The following NOL8 variants were observed in gnomAD, a reference collection of about 807,000 sequenced individuals.
The protein encoded by NOL8 is nucleolar protein 8, also known as nucleolar protein Nop132.
A neutral mutation model predicts 116.1 loss-of-function variants in NOL8; 93 were observed. The ratio of observed to expected loss-of-function variants is 0.80; its 90% CI spans 0.68 to 0.95. The LOEUF is 0.95. Among genes scored for constraint, NOL8 ranks in the 40% least tolerant of loss-of-function variants. The probability of loss-of-function intolerance (pLI) is 0.00; values close to 1 mark genes in which losing one functional copy is unlikely to be tolerated. For synonymous variants in NOL8, 419 were observed against 469.0 expected (o/e 0.89, Z 1.38); for missense variants, 1,291 against 1,382.8 (o/e 0.93, Z 1.05).
chr9:92,303,130 A>AT lies in NOL8; in HGVS notation c.2904-1309dup, dbSNP rs111238420. Among the ~76,000 whole-genome samples, 765 of 149,034 alleles carry AT rather than the reference A, an allele frequency of 5.1e-3. 5 individuals carry two copies. The highest frequency in any genetic ancestry group is 0.016 in the African/African-American group (646 of 40,852). On this transcript the variant is annotated intron_variant, in intron 12 of 16. Transcript: ENST00000442668. ...GGAGAGAATGAAACTAAAGGGAGGA[A>AT]TTTTTTTTTTTAAAGGGAGCCAGGA...
intron 4 of NOL8, among the ~76,000 whole-genome samples, chr9:92,320,813 G>C (rs1300801504): frequency 6.6e-6 from 1 of 152,210 alleles, no homozygotes; most frequent in South Asian, 2.1e-4. Flanking sequence ...CACCACTTTA[G>C]CCAGGCTGGT....
intron 6 of NOL8, 103 bp downstream of exon 6, chr9:92,318,515 C>G: frequency 1.2e-6 from 1 of 837,898 alleles, no homozygotes; most frequent in Admixed American, 3.1e-5. Flanking sequence ...AACACGCAAA[C>G]AAACACCTAA....
At chr9:92,312,467 A>AT (rs1189426294) in intron 7 of NOL8, among the ~76,000 whole-genome samples, 1 of 150,642 alleles carries the variant, frequency 6.6e-6, no homozygotes, top group Non-Finnish European at 1.5e-5. Flanking sequence ...AAAAAAAAAA[A>AT]AAAAAGAACA....
chr9:92,320,208 G>C, intron 4 of NOL8: 1 of 456,062 alleles, frequency 2.2e-6, no homozygotes, highest in Non-Finnish European at 4.4e-6. Flanking sequence ...CAACTGCACA[G>C]AGCAGTCCTC....
chr9:92,323,468 T>C lies in NOL8; in HGVS notation c.175A>G (p.Ser59Gly). 2 of 1,607,294 alleles carry C rather than the reference T, an allele frequency of 1.2e-6. No individual in the cohort carries two copies. The highest frequency in any genetic ancestry group is 2.2e-5 in the East Asian group (1 of 44,776). Residue 59 changes from serine (S) to glycine (G), a missense_variant, in exon 3 of 17, where the codon AGT (serine) becomes GGT (glycine). Ser to Gly is a moderately conservative substitution (Grantham distance 56, BLOSUM62 0). Transcript: ENST00000442668. ...PQKVFAYINI[S>G]VAEADLKKCM... ...TTTTTCAGGTCCGCTTCTGCTACAC[T>C]GATGTTGATATATGCAAAAACTTTC...
At chr9:92,298,213 A>AC in intron 16 of NOL8, 44 bp downstream of exon 16, 2 of 1,384,680 alleles carry the variant, frequency 1.4e-6, no homozygotes, top group East Asian at 4.9e-5. Flanking sequence ...CTAGATAGGT[A>AC]ACATGTCTAT....
intron 12 of NOL8, 145 bp downstream of exon 12, chr9:92,305,608 T>G: frequency 1.6e-6 from 1 of 640,654 alleles, no homozygotes; most frequent in Non-Finnish European, 2.8e-6. Flanking sequence ...AATTCCTTTC[T>G]AACTCTACCT....
intron 7 of NOL8, among the ~76,000 whole-genome samples, chr9:92,312,264 A>G (rs59491936): frequency 0.031 from 4,626 of 151,530 alleles, 252 homozygotes; most frequent in African/African-American, 0.11. Flanking sequence ...AGACCAGCCT[A>G]GGTGACATGG....
chr9:92,306,823 A>C (rs867555655), intron 11 of NOL8, 63 bp downstream of exon 11: 3 of 1,503,788 alleles, frequency 2.0e-6, no homozygotes, highest in Middle Eastern at 3.5e-4. Flanking sequence ...TTTTAAATTG[A>C]GTTCAAGAAG....
chr9:92,315,815 T>C lies in NOL8; in HGVS notation c.810A>G (p.Val270=), dbSNP rs1212729103. 6 of 1,613,826 alleles carry C rather than the reference T, an allele frequency of 3.7e-6. No homozygotes were observed. The highest frequency in any genetic ancestry group is 5.1e-6 in the Non-Finnish European group (6 of 1,179,858). Reference sequence around the variant, plus strand: ...TAAGTTTCTGAGTATCAGAAACAGGTACAGGAGATGATTTAGAAGGAGTAA... The same window carrying C: ...TAAGTTTCTGAGTATCAGAAACAGGCACAGGAGATGATTTAGAAGGAGTAA... ...DSITPSKSSP[V]PVSDTQKLKN... is the part of the protein sequence containing the mutation. The change falls in exon 7 of 17, where the codon GTA becomes GTG. Residue 270 remains valine, a synonymous_variant. Coordinates refer to ENST00000442668, the MANE Select transcript of NOL8 (RefSeq NM_017948.6).
At chr9:92,323,204 T>C in intron 3 of NOL8, 1 of 1,143,282 alleles carries the variant, frequency 8.7e-7, no homozygotes, top group South Asian at 1.8e-5. Context: ...TTGTCCAAAA[T>C]ATTTGAGAAT....
intron 8 of NOL8, 59 bp downstream of exon 8, chr9:92,311,087 T>C: frequency 7.5e-7 from 1 of 1,329,916 alleles, no homozygotes; most frequent in Non-Finnish European, 1.1e-6. Context: ...TGCCAGTTGT[T>C]TGTGGTGTGG....
chr9:92,301,809 T>A lies in NOL8; in HGVS notation c.2917A>T (p.Lys973Ter), dbSNP rs1396533079. 1 of 1,585,850 alleles carries A rather than the reference T, an allele frequency of 6.3e-7. No homozygotes were observed. Among genetic ancestry groups the A allele is most frequent in the African/African-American group, 1.3e-5 (1 of 74,268 alleles). The change falls in exon 13 of 17, where the codon AAA (lysine) becomes TAA (stop). Residue 973 changes from lysine (K) to a stop codon, truncating the protein, a stop_gained. Transcript: ENST00000442668. LOFTEE classifies it high-confidence loss of function. ...TTCTCAGCTTCCTCCCTTTTCTTTT[T>A]TCGTTTTGCTTTACTGAAATGACAT... ...DKPKESKAKR[K>*]KKREEAEKLP...
chr9:92,315,410 T>C lies in NOL8; in HGVS notation c.1215A>G (p.Lys405=), dbSNP rs1174461045. 1 of 1,590,494 alleles carries C rather than the reference T, an allele frequency of 6.3e-7. No homozygotes were observed. The highest frequency in any genetic ancestry group is 8.6e-7 in the Non-Finnish European group (1 of 1,166,826). The part of the protein sequence containing the change: ...KNSTEFSQME[K]STKKTSFKNR... The stretch of plus-strand genomic sequence containing the variant: ...TTTTGAAAGAAGTTTTCTTCGTAGA[T>C]TTTTCCATTTGTGAAAATTCTGTAC... The change falls in exon 7 of 17, where the codon AAA becomes AAG. Residue 405 remains lysine, a synonymous_variant. Transcript: ENST00000442668.
chr9:92,302,277 AGT>A (rs1345735853), intron 12 of NOL8, among the ~76,000 whole-genome samples: 7 of 152,208 alleles, frequency 4.6e-5, no homozygotes. Context: ...AAATATGTAT[AGT>A]GTCTTTTGAA....
chr9:92,315,215 T>A lies in NOL8; in HGVS notation c.1410A>T (p.Gly470=). ...DSASELADSE[G]GEEYNAMMKN... is the part of the protein sequence containing the mutation. ...TCATCATGGCATTATACTCCTCACCTCCTTCAGAGTCAGCTAATTCTGATG... is the reference window on the plus strand; with the variant it reads ...TCATCATGGCATTATACTCCTCACCACCTTCAGAGTCAGCTAATTCTGATG... The change falls in exon 7 of 17, where the codon GGA becomes GGT. Residue 470 remains glycine (G), a synonymous_variant. Transcript: ENST00000442668. 6.2e-7 allele frequency: 1 copy of A among 1,613,982 alleles called. No individual in the cohort carries two copies. The highest frequency in any genetic ancestry group is 8.5e-7 in the Non-Finnish European group (1 of 1,179,874).
rs1204767692 is a variant in NOL8, at chr9:92,315,533, A to G, written c.1092T>C (p.Asp364=). The change falls in exon 7 of 17, where the codon GAT becomes GAC. Residue 364 remains aspartate, a synonymous_variant. Coordinates refer to ENST00000442668, the MANE Select transcript of NOL8 (RefSeq NM_017948.6). ...CATTTCTCATAATATCATCATCACTATCATGGCAAGAGACACGATTTTTGA... is the reference window on the plus strand; with the variant it reads ...CATTTCTCATAATATCATCATCACTGTCATGGCAAGAGACACGATTTTTGA... The part of the protein sequence containing the change: ...LGIKNRVSCH[D]SDDDIMRNDR... The G allele has an allele frequency of 1.2e-6, 2 of 1,611,736 alleles. No homozygotes were observed. The highest frequency in any genetic ancestry group is 2.7e-5 in the African/African-American group (2 of 74,904).
chr9:92,317,556 C>T (rs904514030), intron 6 of NOL8, among the ~76,000 whole-genome samples: 12 of 152,178 alleles, frequency 7.9e-5, no homozygotes, highest in African/African-American at 1.2e-4. Context: ...AGAGGACACA[C>T]GTTTTTGCTT....
intron 13 of NOL8, chr9:92,300,523 C>T (rs1837643044): frequency 1.5e-5 from 15 of 990,338 alleles, no homozygotes; most frequent in Non-Finnish European, 1.8e-5. Flanking sequence ...TCAAAATTTC[C>T]CAAGTACTTA....
Sources: allele counts gnomAD v4.1 joint callset (sites outside exome capture counted in the v4.1 genomes callset), GRCh38; gene constraint gnomAD v4.1.1; transcripts MANE v1.5; gene names NCBI Gene and HGNC (gene_info 2026-07-23, HGNC 2026-07-21).